The following CPB2 variants were observed in gnomAD, a reference collection of about 807,000 sequenced individuals.
CPB2 encodes the protein carboxypeptidase B2.
CPB2 carries 54 observed loss-of-function variants against 57.0 expected under a neutral mutation model. The observed-to-expected ratio is 0.95, with a 90% CI of 0.76 to 1.19. The LOEUF (loss-of-function observed/expected upper bound fraction) is 1.19. Ranked by LOEUF, CPB2 falls within the 50% of genes most tolerant of loss-of-function variation. CPB2 has a pLI of 0.00. For synonymous variants in CPB2, 189 were observed against 178.1 expected (o/e 1.06, Z -0.49); for missense variants, 426 against 512.0 (o/e 0.83, Z 1.62).
intron 5 of CPB2, among the ~76,000 whole-genome samples, chr13:46,077,374 A>G (rs1015135896): frequency 1.3e-5 from 2 of 152,194 alleles, no homozygotes; most frequent in South Asian, 2.1e-4. Flanking sequence ...CCACAATGCA[A>G]TGTCATCTCA....
At chr13:46,089,200 T>A (rs1180098980) in intron 1 of CPB2, among the ~76,000 whole-genome samples, 1 of 152,188 alleles carries the variant, frequency 6.6e-6, no homozygotes, top group African/African-American at 2.4e-5. Context: ...TTACATCATC[T>A]ATATTTTTCC....
At chr13:46,058,109 T>G (rs2139345631) in intron 9 of CPB2, 70 bp downstream of exon 9, 1 of 1,461,384 alleles carries the variant, frequency 6.8e-7, no homozygotes, top group East Asian at 2.3e-5. Context: ...TTTCCCAGTT[T>G]TTGATTCTTC....
chr13:46,082,126 T>A (rs1220365819), intron 4 of CPB2, among the ~76,000 whole-genome samples: 1 of 152,220 alleles, frequency 6.6e-6, no homozygotes, highest in East Asian at 1.9e-4. Flanking sequence ...GGACTGGTAA[T>A]TTTTTGGTGG....
chr13:46,073,363 T>C (rs542623578), intron 6 of CPB2: 1 of 375,418 alleles, frequency 2.7e-6, no homozygotes, highest in East Asian at 1.6e-4. Context: ...CAGTTTGTCT[T>C]ATATATGGCT....
At chr13:46,101,152 C>T (rs2045429487) in intron 1 of CPB2, 1 of 152,140 alleles carries the variant, frequency 6.6e-6, no homozygotes, top group Admixed American at 6.5e-5. Context: ...TCCCATGTGG[C>T]CAACTGATCA....
chr13:46,087,263 A>G, intron 2 of CPB2, among the ~76,000 whole-genome samples: 1 of 152,230 alleles, frequency 6.6e-6, no homozygotes, highest in Non-Finnish European at 1.5e-5. Context: ...CGTGGAGCAC[A>G]CAGCCCCAGC....
intron 9 of CPB2, among the ~76,000 whole-genome samples, chr13:46,057,975 T>G (rs1180194336): frequency 6.6e-6 from 1 of 152,060 alleles, no homozygotes. Context: ...CTGAATAAAG[T>G]GTGTGTTGTT....
At chr13:46,054,906 A>G (rs539741095) in intron 10 of CPB2, among the ~76,000 whole-genome samples, 1 of 150,328 alleles carries the variant, frequency 6.7e-6, no homozygotes, top group African/African-American at 2.5e-5. Flanking sequence ...GCCTGCCACC[A>G]TGCCCAGCTA....
chr13:46,102,540 C>A (rs370125048), intron 1 of CPB2, among the ~76,000 whole-genome samples: 760 of 107,936 alleles, frequency 7.0e-3, no homozygotes, highest in Middle Eastern at 0.014. Context: ...ATGATTATGA[C>A]AAAAAAAAAA....
At chr13:46,093,241 G>A (rs770011804) in intron 1 of CPB2, among the ~76,000 whole-genome samples, 28 of 152,270 alleles carry the variant, frequency 1.8e-4, no homozygotes, top group South Asian at 4.1e-4. Flanking sequence ...GTGGAGGGTG[G>A]CTTTATTTTG....
At position 46,053,466 on chromosome 13, in the gene CPB2, A is replaced by G; in HGVS notation, c.*148T>C. 1 of 1,231,842 alleles carries G rather than the reference A, an allele frequency of 8.1e-7. No individual in the cohort carries two copies. Among genetic ancestry groups the G allele is most frequent in the African/African-American group, 1.5e-5 (1 of 66,522 alleles). The allele number at this position is 1,231,842 out of a possible 1,614,324, so 76.3% of individuals were successfully genotyped here. On this transcript the variant is annotated 3_prime_UTR_variant, in exon 11 of 11. Coordinates refer to ENST00000181383, the MANE Select transcript of CPB2 (RefSeq NM_001872.5). ...TAGTCTGCCTTAATGGCAAAGTAGC[A>G]CTTATTAGGTTCTCTGACAGAACCA... is the stretch of plus-strand genomic sequence containing the variant.
intron 5 of CPB2, among the ~76,000 whole-genome samples, chr13:46,076,084 T>C (rs9534312): frequency 0.34 from 52,231 of 152,070 alleles, 9,201 homozygotes; most frequent in African/African-American, 0.39. Context: ...GTTTGTCCCT[T>C]GCTGGGATTT....
Position 46,082,535 on chromosome 13 carries a change from TC to T in CPB2, c.289del (p.Asp97MetfsTer30), listed in dbSNP as rs1158940937. On this transcript the variant is annotated frameshift_variant, in exon 4 of 11. Transcript: ENST00000181383. LOFTEE classifies it high-confidence loss of function. ...CTGCTGTTGAATAAGATCTTCCACA[TC>T]TGCCAGCAAGACACTAGGTGATGAA... ...SGIPCSVLLA[D>X]VEDLIQQQIS... 6.2e-7 allele frequency: 1 copy of T among 1,612,338 alleles called. No individual in the cohort carries two copies.
chr13:46,084,627 A>G (rs1341038260), intron 2 of CPB2, among the ~76,000 whole-genome samples: 2 of 152,160 alleles, frequency 1.3e-5, no homozygotes, highest in Non-Finnish European at 2.9e-5. Flanking sequence ...ATGAATGACT[A>G]TATTCATGGC....
At chr13:46,102,531 T>C (rs1302164619) in intron 1 of CPB2, among the ~76,000 whole-genome samples, 1 of 85,150 alleles carries the variant, frequency 1.2e-5, no homozygotes, top group Non-Finnish European at 2.2e-5. Flanking sequence ...AGTAGGAAAA[T>C]GATTATGACA....
At chr13:46,085,143 C>A (rs2045183359) in intron 2 of CPB2, among the ~76,000 whole-genome samples, 2 of 152,312 alleles carry the variant, frequency 1.3e-5, no homozygotes, top group South Asian at 4.1e-4. Context: ...AGCCACTACA[C>A]GTACTTTTTC....
At chr13:46,064,565 T>C in intron 8 of CPB2, 83 bp downstream of exon 8, 2 of 1,100,262 alleles carry the variant, frequency 1.8e-6, no homozygotes, top group Non-Finnish European at 2.8e-6. Context: ...AGCTCTGTAT[T>C]TAATTTGAAT....
At chr13:46,099,544 C>T (rs2139426462) in intron 1 of CPB2, 1 of 152,306 alleles carries the variant, frequency 6.6e-6, no homozygotes, top group Admixed American at 6.5e-5. Flanking sequence ...ATGAGCTCTT[C>T]ATTATCTAAA....
chr13:46,082,357 A>G, intron 4 of CPB2, 84 bp downstream of exon 4: 7 of 755,762 alleles, frequency 9.3e-6, no homozygotes, highest in Non-Finnish European at 1.5e-5. Context: ...TCCACCAATT[A>G]TGATTCTTGA....
Sources: allele counts gnomAD v4.1 joint callset (sites outside exome capture counted in the v4.1 genomes callset), GRCh38; gene constraint gnomAD v4.1.1; transcripts MANE v1.5; gene names NCBI Gene and HGNC (gene_info 2026-07-23, HGNC 2026-07-21).